Variants in LCORL observed in about 807,000 individuals in gnomAD.
LCORL encodes ligand dependent nuclear receptor corepressor like.
LCORL carries 41 observed loss-of-function variants against 141.8 expected under a neutral mutation model. The ratio of observed to expected loss-of-function variants is 0.29; its 90% CI spans 0.23 to 0.38. The LOEUF is 0.38. Among genes scored for constraint, LCORL ranks in the 10% least tolerant of loss-of-function variants. The probability of loss-of-function intolerance (pLI) is 1.00; values close to 1 mark genes in which losing one functional copy is unlikely to be tolerated. For synonymous variants in LCORL, 618 were observed against 694.1 expected, an observed-to-expected ratio of 0.89 and a Z score of 1.72; for missense variants, 1,759 against 2,035.0, an observed-to-expected ratio of 0.86 and a Z score of 2.61.
At chr4:17,970,814 T>A (rs536237200) in intron 2 of LCORL, among the ~76,000 whole-genome samples, 1 of 152,110 alleles carries the variant, frequency 6.6e-6, no homozygotes, top group Non-Finnish European at 1.5e-5. Flanking sequence ...CCCATTCCCT[T>A]CCCAAGGACA....
chr4:17,897,110 A>T (rs542509995), intron 5 of LCORL, among the ~76,000 whole-genome samples: 1 of 142,168 alleles, frequency 7.0e-6, no homozygotes, highest in Non-Finnish European at 1.5e-5. Flanking sequence ...TACTTTATCC[A>T]TTTGTCTGCT....
intron 7 of LCORL, among the ~76,000 whole-genome samples, chr4:17,853,362 A>T (rs550939489): frequency 3.5e-4 from 53 of 152,230 alleles, no homozygotes; most frequent in Admixed American, 4.6e-4. Context: ...CATCCAGGAG[A>T]GTTAAATATT....
intron 1 of LCORL, among the ~76,000 whole-genome samples, chr4:18,018,182 G>C (rs1368059579): frequency 6.6e-6 from 1 of 151,944 alleles, no homozygotes; most frequent in Non-Finnish European, 1.5e-5. Flanking sequence ...TTTTATTCTA[G>C]ACCTGTTTTA....
intron 4 of LCORL, among the ~76,000 whole-genome samples, chr4:17,920,847 C>G (rs1454798185): frequency 6.6e-6 from 1 of 152,188 alleles, no homozygotes; most frequent in Non-Finnish European, 1.5e-5. Context: ...TCAGTCACAT[C>G]TTCAGGCTCT....
In LCORL at chr4:17,847,984, T is replaced by C. The variant is rs79141352; in HGVS notation, c.5603-2083A>G. 2.5e-3 allele frequency among the ~76,000 whole-genome samples: 380 copies of C among 152,318 alleles called. 2 individuals are homozygous for C. In the East Asian group the frequency reaches 0.04, roughly 16 times the overall value. On this transcript the variant is annotated intron_variant, in intron 7 of 7. Coordinates refer to ENST00000635767, the Ensembl canonical transcript of LCORL. ...CATGGTCACAAATAAAAACAAATTT[T>C]GTTTTGTTTGCTATTTGACTAAGGT...
intron 6 of LCORL, among the ~76,000 whole-genome samples, 167 bp downstream of exon 6, chr4:17,885,901 A>C (rs1166719118): frequency 1.3e-5 from 2 of 151,894 alleles, no homozygotes; most frequent in Non-Finnish European, 2.9e-5. Context: ...AAAGAATAAA[A>C]AAGAAAGAGA....
intron 1 of LCORL, among the ~76,000 whole-genome samples, chr4:17,992,775 T>C (rs893239288): frequency 3.9e-5 from 6 of 152,222 alleles, no homozygotes; most frequent in African/African-American, 1.4e-4. Flanking sequence ...CATTTAAGTG[T>C]CACTCATGTG....
chr4:17,934,078 A>C (rs1481083557), intron 4 of LCORL, among the ~76,000 whole-genome samples: 1 of 152,050 alleles, frequency 6.6e-6, no homozygotes, highest in Non-Finnish European at 1.5e-5. Context: ...CTCAGACTTC[A>C]GGGATTTTTC....
chr4:17,857,961 C>G (rs1326688826), intron 7 of LCORL, among the ~76,000 whole-genome samples: 1 of 152,070 alleles, frequency 6.6e-6, no homozygotes, highest in Non-Finnish European at 1.5e-5. Context: ...GTCTGGCATC[C>G]CACTGAAAAT....
intron 1 of LCORL, among the ~76,000 whole-genome samples, chr4:17,984,222 G>A (rs1718533884): frequency 6.6e-6 from 1 of 151,916 alleles, no homozygotes. Context: ...TATTATCCTG[G>A]AGTTCTCTTT....
chr4:17,843,109 C>T, exon 8 of LCORL: 2 of 488,086 alleles, frequency 4.1e-6, no homozygotes, highest in Non-Finnish European at 3.6e-6. Flanking sequence ...CTAGATTTTC[C>T]CTGATTCACT....
intron 4 of LCORL, among the ~76,000 whole-genome samples, chr4:17,958,328 A>C (rs1713090276): frequency 6.6e-6 from 1 of 151,848 alleles, no homozygotes; most frequent in South Asian, 2.1e-4. Context: ...ATGAAGGATG[A>C]CTTTGTTATA....
At chr4:17,856,558 T>C (rs993025134) in intron 7 of LCORL, among the ~76,000 whole-genome samples, 5 of 152,216 alleles carry the variant, frequency 3.3e-5, no homozygotes, top group Admixed American at 2.6e-4. Flanking sequence ...TTTGTTGTGG[T>C]AGCCCAAGGA....
At chr4:17,993,593 G>C (rs139940168) in intron 1 of LCORL, among the ~76,000 whole-genome samples, 1 of 152,276 alleles carries the variant, frequency 6.6e-6, no homozygotes, top group Admixed American at 6.5e-5. Context: ...AATATAAAAG[G>C]CTGAAGATGT....
At chr4:17,957,257 G>C (rs1712846499) in intron 4 of LCORL, among the ~76,000 whole-genome samples, 1 of 152,006 alleles carries the variant, frequency 6.6e-6, no homozygotes, top group African/African-American at 2.4e-5. Flanking sequence ...TTACGGTTTT[G>C]ATCAAGCAGG....
chr4:17,882,484 G>A (rs970927834), intron 6 of LCORL: 5 of 984,330 alleles, frequency 5.1e-6, no homozygotes, highest in East Asian at 1.1e-4. Context: ...TCTCTCTTAT[G>A]AGTCTAGTAA....
At chr4:18,009,162 C>T (rs1028658759) in intron 1 of LCORL, among the ~76,000 whole-genome samples, 2 of 152,128 alleles carry the variant, frequency 1.3e-5, no homozygotes, top group Middle Eastern at 3.4e-3. Flanking sequence ...ACCATGAGTT[C>T]GCACAAGTAC....
intron 1 of LCORL, among the ~76,000 whole-genome samples, chr4:18,006,233 C>T (rs1722790585): frequency 1.3e-5 from 2 of 152,138 alleles, no homozygotes; most frequent in Non-Finnish European, 2.9e-5. Context: ...GTCACCTTTG[C>T]TCCAGTTCCC....
chr4:17,917,317 C>T (rs1024602773), intron 4 of LCORL, among the ~76,000 whole-genome samples: 1 of 152,096 alleles, frequency 6.6e-6, no homozygotes, highest in African/African-American at 2.4e-5. Context: ...CTCAGCCTCC[C>T]CAATAGCTGG....
Sources: gnomAD v4.1 joint callset for allele counts (sites outside exome capture counted in the v4.1 genomes callset) on GRCh38, gnomAD v4.1.1 for gene constraint, MANE v1.5 for transcripts, NCBI Gene and HGNC (gene_info 2026-07-23, HGNC 2026-07-21) for gene names.